MYO1D: variants seen among roughly 807,000 people sequenced by gnomAD.
MYO1D encodes the protein myosin ID.
In MYO1D, 83 loss-of-function variants were observed where a neutral mutation model predicts 122.0. That is an observed-to-expected ratio of 0.68 (90% CI 0.57 to 0.82). MYO1D has a LOEUF of 0.82. Among genes scored for constraint, MYO1D ranks in the 40% least tolerant of loss-of-function variants. The pLI is 0.00. For missense variants in MYO1D, 1,157 were observed against 1,269.5 expected, an observed-to-expected ratio of 0.91 and a Z score of 1.35; for synonymous variants, 464 against 446.9, an observed-to-expected ratio of 1.04 and a Z score of -0.48.
chr17:32,605,069 A>G lies in MYO1D; in HGVS notation c.2864+18T>C. 6.4e-7 allele frequency: 1 copy of G among 1,561,774 alleles called. No individual in the cohort carries two copies. Among genetic ancestry groups the G allele is most frequent in the South Asian group, 1.2e-5 (1 of 84,410 alleles). On this transcript the variant is annotated intron_variant, in intron 21 of 21. Coordinates refer to ENST00000318217, the MANE Select transcript of MYO1D (RefSeq NM_015194.3). ...CATAGATTTAAAACGTGTCTTAGTT[A>G]CAAAAATCAAACTTTACCTCTTGAA...
intron 16 of MYO1D, among the ~76,000 whole-genome samples, chr17:32,687,187 C>T (rs1399397878): frequency 7.1e-6 from 1 of 141,486 alleles, no homozygotes; most frequent in South Asian, 2.4e-4. Context: ...GGCCAACATG[C>T]CTGGCTAATT....
Position 32,780,797 on chromosome 17 carries a change from A to C in MYO1D, c.96-13T>G, listed in dbSNP as rs765049232. On this transcript the variant is annotated splice_polypyrimidine_tract_variant and intron_variant, in intron 1 of 21. Transcript: ENST00000318217. ...CCCTTTTTCAAATCTGTACAGAAGC[A>C]AAAGAAAAGGAAGACGTAGCTGTGG... The C allele has an allele frequency of 6.8e-6, 11 of 1,612,912 alleles. No individual in the cohort carries two copies. The highest frequency in any genetic ancestry group is 6.6e-5 in the South Asian group (6 of 91,056).
intron 20 of MYO1D, among the ~76,000 whole-genome samples, chr17:32,609,392 G>A (rs2087671104): frequency 6.6e-6 from 1 of 152,236 alleles, no homozygotes; most frequent in Non-Finnish European, 1.5e-5. Context: ...CAGACGTGCA[G>A]AAGATGCTGA....
chr17:32,510,030 T>C (rs1909635273), intron 21 of MYO1D: 1 of 152,262 alleles, frequency 6.6e-6, no homozygotes. Flanking sequence ...TTTCATTTAA[T>C]CCTTATCAAA....
At chr17:32,590,539 T>C (rs1254019176) in intron 21 of MYO1D, among the ~76,000 whole-genome samples, 2 of 152,220 alleles carry the variant, frequency 1.3e-5, no homozygotes, top group Non-Finnish European at 2.9e-5. Flanking sequence ...GGGTTCTTCT[T>C]GGTATCCCTC....
intron 21 of MYO1D, among the ~76,000 whole-genome samples, chr17:32,597,982 G>A (rs750840068): frequency 2.6e-5 from 4 of 151,858 alleles, no homozygotes; most frequent in Admixed American, 6.6e-5. Context: ...TTTGGAAATG[G>A]TTTTATATCA....
At chr17:32,759,915 A>C in intron 10 of MYO1D, 1 of 518,178 alleles carries the variant, frequency 1.9e-6, no homozygotes, top group Non-Finnish European at 3.4e-6. Flanking sequence ...GAAGAGGAGA[A>C]AAAGGAGGAA....
intron 1 of MYO1D, among the ~76,000 whole-genome samples, chr17:32,864,018 T>C (rs2091101958): frequency 4.6e-5 from 4 of 87,558 alleles, no homozygotes; most frequent in African/African-American, 1.1e-4. Context: ...TTTTTTTTTT[T>C]TTTTTTTTTT....
chr17:32,646,379 G>A (rs933142786), intron 19 of MYO1D, among the ~76,000 whole-genome samples: 5 of 152,124 alleles, frequency 3.3e-5, no homozygotes, highest in Non-Finnish European at 7.3e-5. Context: ...TGAGGCAAGA[G>A]CATTGCTTGA....
In MYO1D at chr17:32,787,538, C is replaced by T. The variant is rs577672780; in HGVS notation, c.96-6754G>A. 6.0e-4 allele frequency among the ~76,000 whole-genome samples: 91 copies of T among 152,160 alleles called. 1 individual carries two copies. Among genetic ancestry groups the T allele is most frequent in the African/African-American group, 2.1e-3 (87 of 41,504 alleles). The stretch of plus-strand genomic sequence containing the variant: ...GGTTCAAGCGATTCTCCTGCCTCAA[C>T]CTCCCAAGTAGCTGGGACTACAGGC... On this transcript the variant is annotated intron_variant, in intron 1 of 21. Transcript: ENST00000318217.
chr17:32,560,212 AC>A (rs1235060516), intron 21 of MYO1D, among the ~76,000 whole-genome samples: 5 of 152,034 alleles, frequency 3.3e-5, no homozygotes, highest in African/African-American at 1.2e-4. Flanking sequence ...CCGAGATTGC[AC>A]CACTGCACTG....
At chr17:32,782,254 T>C (rs181357589) in intron 1 of MYO1D, among the ~76,000 whole-genome samples, 174 of 152,358 alleles carry the variant, frequency 1.1e-3, no homozygotes, top group African/African-American at 4.0e-3. Flanking sequence ...TATTAACTAC[T>C]TCAAGGTTTT....
At chr17:32,512,987 C>G (rs1909747450) in intron 21 of MYO1D, 1 of 152,204 alleles carries the variant, frequency 6.6e-6, no homozygotes, top group Non-Finnish European at 1.5e-5. Context: ...ATAGATAATA[C>G]TTTGTTTTCT....
intron 21 of MYO1D, among the ~76,000 whole-genome samples, chr17:32,564,694 C>A (rs1416802407): frequency 1.3e-5 from 2 of 152,180 alleles, no homozygotes; most frequent in African/African-American, 4.8e-5. Context: ...AGTGGCAAAG[C>A]AGCAGTGAGC....
chr17:32,772,696 T>C, intron 5 of MYO1D, 93 bp downstream of exon 5: 1 of 1,016,496 alleles, frequency 9.8e-7, no homozygotes, highest in Non-Finnish European at 1.6e-6. Flanking sequence ...TGGAGATGAG[T>C]GATGCATAGG....
At chr17:32,827,972 G>A (rs1224621032) in intron 1 of MYO1D, among the ~76,000 whole-genome samples, 2 of 152,138 alleles carry the variant, frequency 1.3e-5, no homozygotes, top group Non-Finnish European at 2.9e-5. Context: ...CTCTTACCAA[G>A]TCAGAACCAC....
chr17:32,681,181 G>C (rs1236604231), intron 16 of MYO1D, among the ~76,000 whole-genome samples: 1 of 151,644 alleles, frequency 6.6e-6, no homozygotes, highest in African/African-American at 2.4e-5. Context: ...TATCAATTTT[G>C]TTGCTCTTTT....
rs778064455 is a variant in MYO1D, at chr17:32,683,787, TC to T, written c.2122-24450del. On this transcript the variant is annotated intron_variant, in intron 16 of 21. Transcript: ENST00000318217. ...CTGTGGTGGGCTCCACCCAGGAGCT[TC>T]CCGGCTGCTTTGTTTACCTAAGCAA... Among the ~76,000 whole-genome samples the T allele has an allele frequency of 4.4e-3, 670 of 152,300 alleles. 4 individuals carry two copies. Among genetic ancestry groups the T allele is most frequent in the Non-Finnish European group, 6.6e-3 (451 of 68,020 alleles).
intron 16 of MYO1D, among the ~76,000 whole-genome samples, chr17:32,664,165 G>T (rs1373187466): frequency 6.6e-6 from 1 of 152,150 alleles, no homozygotes; most frequent in Non-Finnish European, 1.5e-5. Context: ...AGGAAAAAAT[G>T]ATTCATGCAT....
Sources: allele counts gnomAD v4.1 joint callset (sites outside exome capture counted in the v4.1 genomes callset), GRCh38; gene constraint gnomAD v4.1.1; transcripts MANE v1.5; gene names NCBI Gene and HGNC (gene_info 2026-07-23, HGNC 2026-07-21).